GALNTL6: variants seen among roughly 807,000 people sequenced by gnomAD.
GALNTL6 encodes polypeptide N-acetylgalactosaminyltransferase-like 6.
Under a neutral mutation model 73.7 loss-of-function variants are expected in GALNTL6, and 46 were observed. The ratio of observed to expected loss-of-function variants is 0.62; its 90% CI spans 0.49 to 0.80. The LOEUF (loss-of-function observed/expected upper bound fraction) is 0.80, where lower values mean the gene tolerates loss of function less well. Ranked by LOEUF, GALNTL6 falls within the 30% of genes least tolerant of loss-of-function variation. The pLI is 0.00. For synonymous variants in GALNTL6, 259 were observed against 263.7 expected, an observed-to-expected ratio of 0.98 and a Z score of 0.17; for missense variants, 604 against 755.0, an observed-to-expected ratio of 0.80 and a Z score of 2.34.
At chr4:171,926,467 T>C (rs1370979472) in intron 2 of GALNTL6, among the ~76,000 whole-genome samples, 1 of 152,122 alleles carries the variant, frequency 6.6e-6, no homozygotes, top group Non-Finnish European at 1.5e-5. Context: ...TCTCTTTGTG[T>C]ATTAATGTGT....
chr4:172,598,366 C>G (rs1177937740), intron 5 of GALNTL6, among the ~76,000 whole-genome samples: 1 of 151,984 alleles, frequency 6.6e-6, no homozygotes, highest in Admixed American at 6.6e-5. Flanking sequence ...TCTTAAATGC[C>G]AAGTGGCTCA....
chr4:172,959,907 C>A (rs547794128), intron 10 of GALNTL6, among the ~76,000 whole-genome samples: 16 of 152,156 alleles, frequency 1.1e-4, no homozygotes, highest in Non-Finnish European at 2.2e-4. Flanking sequence ...TTCTTGTGTG[C>A]TGGAGATGTG....
intron 7 of GALNTL6, among the ~76,000 whole-genome samples, chr4:172,861,424 C>T (rs1744389875): frequency 6.6e-6 from 1 of 150,868 alleles, no homozygotes; most frequent in African/African-American, 2.4e-5. Flanking sequence ...TTGATTAATC[C>T]AGGTATAGAT....
At chr4:172,685,309 T>C (rs951910405) in intron 5 of GALNTL6, among the ~76,000 whole-genome samples, 1 of 152,222 alleles carries the variant, frequency 6.6e-6, no homozygotes, top group Non-Finnish European at 1.5e-5. Flanking sequence ...TCTTCATTCA[T>C]TTTTCATGGG....
intron 7 of GALNTL6, among the ~76,000 whole-genome samples, chr4:172,830,958 G>C (rs1742594809): frequency 6.6e-6 from 1 of 151,990 alleles, no homozygotes; most frequent in Non-Finnish European, 1.5e-5. Context: ...TCATGAGCTT[G>C]AGACCAGCCT....
chr4:172,750,180 G>T (rs935826586), intron 5 of GALNTL6, among the ~76,000 whole-genome samples: 1 of 152,108 alleles, frequency 6.6e-6, no homozygotes, highest in East Asian at 1.9e-4. Context: ...TCCAGTTCAG[G>T]GTTGCGGGTG....
intron 3 of GALNTL6, among the ~76,000 whole-genome samples, chr4:172,231,718 T>G (rs1303391138): frequency 6.6e-6 from 1 of 152,160 alleles, no homozygotes; most frequent in Non-Finnish European, 1.5e-5. Context: ...TATTTGGACA[T>G]ATTGGAAACT....
chr4:172,062,349 A>G (rs1244445070), intron 2 of GALNTL6, among the ~76,000 whole-genome samples: 1 of 152,170 alleles, frequency 6.6e-6, no homozygotes, highest in Non-Finnish European at 1.5e-5. Flanking sequence ...TCAAATGTCT[A>G]TCTGTCCAGT....
intron 4 of GALNTL6, among the ~76,000 whole-genome samples, chr4:172,319,676 G>C (rs181359888): frequency 6.6e-6 from 1 of 152,190 alleles, no homozygotes; most frequent in African/African-American, 2.4e-5. Flanking sequence ...TTAGTTGTCT[G>C]ACAATTATTT....
intron 2 of GALNTL6, among the ~76,000 whole-genome samples, chr4:172,190,322 G>A (rs1323741179): frequency 6.6e-6 from 1 of 152,162 alleles, no homozygotes; most frequent in East Asian, 1.9e-4. Context: ...TTTATGGTGT[G>A]CTGAAGATTG....
chr4:172,252,830 G>C (rs924632141), intron 3 of GALNTL6, among the ~76,000 whole-genome samples: 1 of 151,812 alleles, frequency 6.6e-6, no homozygotes, highest in Admixed American at 6.6e-5. Flanking sequence ...TCATGTAAAA[G>C]TAGAGAAATG....
chr4:172,750,503 G>A (rs1283297784), intron 5 of GALNTL6, among the ~76,000 whole-genome samples: 2 of 152,098 alleles, frequency 1.3e-5, no homozygotes, highest in Non-Finnish European at 2.9e-5. Context: ...TTCCTCCTAG[G>A]AGCCAAATCC....
intron 5 of GALNTL6, among the ~76,000 whole-genome samples, chr4:172,785,507 A>G (rs1420107129): frequency 6.6e-6 from 1 of 152,160 alleles, no homozygotes; most frequent in African/African-American, 2.4e-5. Flanking sequence ...AGGGCCTAAT[A>G]TGTGTCAGGC....
intron 2 of GALNTL6, among the ~76,000 whole-genome samples, chr4:172,206,166 C>T (rs1412647175): frequency 2.0e-5 from 3 of 152,148 alleles, no homozygotes; most frequent in African/African-American, 7.2e-5. Context: ...GCTCTTCCAG[C>T]TGGGACTCAG....
intron 5 of GALNTL6, among the ~76,000 whole-genome samples, chr4:172,788,443 C>T (rs574150302): frequency 2.0e-5 from 3 of 152,056 alleles, no homozygotes; most frequent in South Asian, 2.1e-4. Flanking sequence ...GAGGCCGAGA[C>T]GGGTGGATCA....
At chr4:171,840,872 A>T (rs1274585454) in intron 2 of GALNTL6, among the ~76,000 whole-genome samples, 1 of 152,086 alleles carries the variant, frequency 6.6e-6, no homozygotes, top group Non-Finnish European at 1.5e-5. Context: ...CCCCCATTGG[A>T]AAATTGGACA....
chr4:172,607,786 T>C (rs2111041449), intron 5 of GALNTL6, among the ~76,000 whole-genome samples: 1 of 152,342 alleles, frequency 6.6e-6, no homozygotes, highest in Admixed American at 6.5e-5. Context: ...AAAATAGCCA[T>C]TCTAACTGGT....
chr4:171,926,094 A>G (rs1293177910), intron 2 of GALNTL6, among the ~76,000 whole-genome samples: 1 of 152,140 alleles, frequency 6.6e-6, no homozygotes, highest in Non-Finnish European at 1.5e-5. Context: ...CTTTATCGAA[A>G]GACATAAAAC....
At chr4:172,061,735 G>A (rs1423084500) in intron 2 of GALNTL6, among the ~76,000 whole-genome samples, 2 of 151,502 alleles carry the variant, frequency 1.3e-5, no homozygotes, top group Non-Finnish European at 2.9e-5. Flanking sequence ...ATGATTTTAA[G>A]TTCTATTGCT....
Sources: gnomAD v4.1 joint callset for allele counts (sites outside exome capture counted in the v4.1 genomes callset) on GRCh38, gnomAD v4.1.1 for gene constraint, MANE v1.5 for transcripts, NCBI Gene and HGNC (gene_info 2026-07-23, HGNC 2026-07-21) for gene names.